RABEP2: variants seen among roughly 807,000 people sequenced by gnomAD.
The protein encoded by RABEP2 is rab GTPase-binding effector protein 2.
Under a neutral mutation model 74.1 loss-of-function variants are expected in RABEP2, and 57 were observed. The observed-to-expected ratio is 0.77, with a 90% CI of 0.62 to 0.96. RABEP2 has a LOEUF of 0.96. Among genes scored for constraint, RABEP2 ranks in the 40% least tolerant of loss-of-function variants. The pLI is 0.00. For missense variants in RABEP2, 692 were observed against 756.3 expected (o/e 0.91, Z 1.00); for synonymous variants, 351 against 344.0 (o/e 1.02, Z -0.23).
Position 28,914,266 on chromosome 16 carries a change from T to A in RABEP2, c.864A>T (p.Pro288=), listed in dbSNP as rs1222090434. 3 of 1,609,602 alleles carry A rather than the reference T, an allele frequency of 1.9e-6. No individual in the cohort carries two copies. Among genetic ancestry groups the A allele is most frequent in the Middle Eastern group, 1.9e-4 (1 of 5,246 alleles). Residue 288 remains proline (P), a synonymous_variant, in exon 5 of 13, where the codon CCA becomes CCT. Coordinates refer to ENST00000358201, the MANE Select transcript of RABEP2 (RefSeq NM_024816.3). The part of the protein sequence containing the change: ...YLPPPGYQLV[P]DTQWEQLQTE... ...TCTGCAGCTGCTCCCACTGAGTGTC[T>A]GGGACGAGCTGGTAGCCAGGAGGGG...
chr16:28,924,878 C>A (rs1425844077), intron 1 of RABEP2: 1 of 750,970 alleles, frequency 1.3e-6, no homozygotes, highest in South Asian at 1.5e-5. Context: ...AGTGGCCGCG[C>A]CCCTTCCTCA....
chr16:28,924,934 C>G (rs751011130), intron 1 of RABEP2, 169 bp downstream of exon 1: 28 of 904,854 alleles, frequency 3.1e-5, no homozygotes, highest in Non-Finnish European at 1.1e-5. Context: ...CCTTCAATGG[C>G]CGGGCCACGC....
chr16:28,914,809 T>A, intron 3 of RABEP2, 27 bp from the exon 4 acceptor site: 1 of 1,600,990 alleles, frequency 6.2e-7, no homozygotes, highest in Non-Finnish European at 8.6e-7. Context: ...GTGGCAGCAA[T>A]AGTTCCCCCT....
intron 1 of RABEP2, chr16:28,924,898 A>T: frequency 1.3e-6 from 1 of 782,580 alleles, no homozygotes; most frequent in African/African-American, 1.7e-5. Flanking sequence ...ACCGGGCCCC[A>T]CTTCGCACCT....
chr16:28,925,118 G>A lies in RABEP2; in HGVS notation c.46C>T (p.Arg16Trp). The change falls in exon 1 of 13, where the codon CGG (arginine) becomes TGG (tryptophan). Residue 16 changes from arginine (R) to tryptophan (W), a missense_variant. Physicochemically the swap from Arg to Trp is moderately radical, Grantham distance 101 (BLOSUM62 -3). Transcript: ENST00000358201. The part of the protein sequence containing the change: ...PVAADDDERR[R>W]RPGAALEDSR... ...CCTCACGTACCAGCCCCCGGCCGCC[G>A]CCGCCGCTCATCGTCGTCCGCGGCC... is the stretch of plus-strand genomic sequence containing the variant. The A allele has an allele frequency of 3.9e-6, 6 of 1,534,878 alleles. No individual in the cohort carries two copies. The highest frequency in any genetic ancestry group is 5.2e-6 in the Non-Finnish European group (6 of 1,147,730).
chr16:28,905,907 G>A (rs758377928), intron 9 of RABEP2, 29 bp from the exon 10 acceptor site: 1 of 1,613,392 alleles, frequency 6.2e-7, no homozygotes, highest in Non-Finnish European at 8.5e-7. Context: ...GAGAGGTCAA[G>A]GCCAGCCTCT....
chr16:28,911,207 A>C (rs1485072139), intron 5 of RABEP2, 28 bp from the exon 6 acceptor site: 2 of 1,598,576 alleles, frequency 1.3e-6, no homozygotes, highest in Non-Finnish European at 1.7e-6. Flanking sequence ...TTCAGCCTGC[A>C]TCTCCCAGGA....
At chr16:28,908,914 T>C (rs1964272996) in intron 7 of RABEP2, 150 bp from the exon 8 acceptor site, 1 of 774,656 alleles carries the variant, frequency 1.3e-6, no homozygotes, top group Non-Finnish European at 2.0e-6. Flanking sequence ...CACTTTTTGC[T>C]ACCAAGCTCT....
chr16:28,919,659 G>A (rs1278795871), intron 3 of RABEP2, 127 bp downstream of exon 3: 1 of 1,135,766 alleles, frequency 8.8e-7, no homozygotes, highest in Admixed American at 2.4e-5. Context: ...ACAACACCTG[G>A]TAACTCTGTG....
At chr16:28,914,166 A>T in intron 5 of RABEP2, 70 bp downstream of exon 5, 1 of 1,313,086 alleles carries the variant, frequency 7.6e-7, no homozygotes, top group Admixed American at 2.4e-5. Context: ...GTCTGAACAC[A>T]GGTGGTGCGG....
At chr16:28,920,982 G>A (rs1964462246) in intron 2 of RABEP2, 3 of 337,666 alleles carry the variant, frequency 8.9e-6, no homozygotes, top group South Asian at 2.3e-5. Context: ...TCCCACCTCA[G>A]TGCCCCGAGT....
At chr16:28,910,397 G>C (rs1301313723) in intron 7 of RABEP2, 1 of 151,524 alleles carries the variant, frequency 6.6e-6, no homozygotes, top group Non-Finnish European at 1.5e-5. Context: ...CGATTATCCT[G>C]CCCAGCCAAG....
rs779976186 is a variant in RABEP2 at position 28,908,768 on chromosome 16, T to C, written c.1090-4A>G. The C allele has an allele frequency of 1.3e-5, 21 of 1,613,660 alleles. No individual in the cohort carries two copies. In the East Asian group the frequency reaches 1.3e-4, roughly 10 times the overall value. ...TGTGGGTGGTGACCAGCTCCGCCTA[T>C]GGACAGACAGTTAGTATAAGGCAAT... On this transcript the variant is annotated splice_region_variant and splice_polypyrimidine_tract_variant and intron_variant, in intron 7 of 12. Coordinates refer to ENST00000358201, the MANE Select transcript of RABEP2 (RefSeq NM_024816.3).
intron 7 of RABEP2, among the ~76,000 whole-genome samples, chr16:28,909,084 T>C (rs1319706299): frequency 6.6e-6 from 1 of 151,682 alleles, no homozygotes; most frequent in Non-Finnish European, 1.5e-5. Flanking sequence ...TTAAAAAATA[T>C]ATATTTTTTT....
Position 28,925,205 on chromosome 16 carries a change from G to A in RABEP2, c.-42C>T. 6.6e-7 allele frequency: 1 copy of A among 1,511,082 alleles called. No homozygotes were observed. Among genetic ancestry groups the A allele is most frequent in the Non-Finnish European group, 8.8e-7 (1 of 1,135,724 alleles). The allele number at this position is 1,511,082 out of a possible 1,614,324, so 93.6% of individuals were successfully genotyped here. A position where few individuals can be genotyped will look rare whatever the true frequency, so the allele number is the denominator to read the frequency against. Reference sequence around the variant, plus strand: ...GCGGATTCCCGCACTCCCTGGTGACGGAGCGCACCGCTTCCGGGTCCTCTC... The same window carrying A: ...GCGGATTCCCGCACTCCCTGGTGACAGAGCGCACCGCTTCCGGGTCCTCTC... On this transcript the variant is annotated 5_prime_UTR_variant, in exon 1 of 13. Coordinates refer to ENST00000358201, the MANE Select transcript of RABEP2 (RefSeq NM_024816.3).
At chr16:28,923,412 C>T (rs1025072630) in intron 2 of RABEP2, among the ~76,000 whole-genome samples, 1 of 150,554 alleles carries the variant, frequency 6.6e-6, no homozygotes, top group Non-Finnish European at 1.5e-5. Flanking sequence ...CAGAGTGAAA[C>T]TCTTATTGAC....
Position 28,908,681 on chromosome 16 carries a change from C to T in RABEP2, c.1173G>A (p.Gln391=), listed in dbSNP as rs1030674372. The change falls in exon 8 of 13, where the codon CAG becomes CAA. Residue 391 remains glutamine, a synonymous_variant. Coordinates refer to ENST00000358201, the MANE Select transcript of RABEP2 (RefSeq NM_024816.3). ...NEENQGLRAE[Q]LPSSAPQGSQ... ...AGCCCTGGGGGGCTGAGGATGGCAGCTGCTCGGCCCGGAGCCCTTGGTTTT... is the reference window on the plus strand; with the variant it reads ...AGCCCTGGGGGGCTGAGGATGGCAGTTGCTCGGCCCGGAGCCCTTGGTTTT... 2.5e-6 allele frequency: 4 copies of T among 1,614,104 alleles called. No individual in the cohort carries two copies. The highest frequency in any genetic ancestry group is 3.4e-6 in the Non-Finnish European group (4 of 1,180,036).
chr16:28,922,758 G>A (rs1333817303), intron 2 of RABEP2, among the ~76,000 whole-genome samples: 3 of 152,008 alleles, frequency 2.0e-5, no homozygotes, highest in Admixed American at 1.3e-4. Context: ...GCCACGTGTG[G>A]TGGCACACGC....
chr16:28,910,906 C>T lies in RABEP2; in HGVS notation c.1071G>A (p.Glu357=). Residue 357 remains glutamate (E), a synonymous_variant, in exon 7 of 13, where the codon GAG becomes GAA. Transcript: ENST00000358201. ...TLQGTVSQAQ[E]RVQLQMAELV... ...TACTCACCATCTGCAGCTGCACCCG[C>T]TCCTGGGCCTGGCTCACGGTCCCTT... 2 of 1,612,454 alleles carry T rather than the reference C, an allele frequency of 1.2e-6. No individual in the cohort carries two copies. The highest frequency in any genetic ancestry group is 2.2e-5 in the East Asian group (1 of 44,884).
Sources: gnomAD v4.1 joint callset for allele counts (sites outside exome capture counted in the v4.1 genomes callset) on GRCh38, gnomAD v4.1.1 for gene constraint, MANE v1.5 for transcripts, NCBI Gene and HGNC (gene_info 2026-07-23, HGNC 2026-07-21) for gene names.